PCDHGA1: variants seen among roughly 807,000 people sequenced by gnomAD.
PCDHGA1 encodes protocadherin gamma subfamily A, 1, also known as protocadherin gamma-A1.
A neutral mutation model predicts 58.0 loss-of-function variants in PCDHGA1; 32 were observed. The ratio of observed to expected loss-of-function variants is 0.55; its 90% CI spans 0.42 to 0.74. PCDHGA1 has a LOEUF of 0.74. Ranked by LOEUF, PCDHGA1 falls within the 30% of genes least tolerant of loss-of-function variation. The pLI is 0.00. For missense variants in PCDHGA1, 1,205 were observed against 1,182.3 expected (o/e 1.02, Z -0.28); for synonymous variants, 498 against 501.1 (o/e 0.99, Z 0.08).
chr5:141,446,260 TA>T (rs1207497940), intron 1 of PCDHGA1, among the ~76,000 whole-genome samples: 4 of 152,130 alleles, frequency 2.6e-5, no homozygotes, highest in Non-Finnish European at 4.4e-5. Context: ...GAAATATTAT[TA>T]ACTGAATAAA....
chr5:141,368,882 C>T (rs992495169), intron 1 of PCDHGA1, among the ~76,000 whole-genome samples: 1 of 152,134 alleles, frequency 6.6e-6, no homozygotes, highest in Non-Finnish European at 1.5e-5. Flanking sequence ...AGTCTTGAGT[C>T]AGTTATATTT....
chr5:141,399,744 C>G (rs544697703), intron 1 of PCDHGA1: 1 of 1,613,320 alleles, frequency 6.2e-7, no homozygotes, highest in African/African-American at 1.3e-5. Context: ...CTGCGCTCAG[C>G]GCAAACGTGA....
intron 1 of PCDHGA1, chr5:141,394,190 G>T (rs1370592594): frequency 1.2e-6 from 2 of 1,613,684 alleles, no homozygotes; most frequent in Non-Finnish European, 1.7e-6. Flanking sequence ...CCTACTCAGC[G>T]TATATCCTAG....
In PCDHGA1 at chr5:141,489,087, T is replaced by A. The variant is rs2099682381; in HGVS notation, c.2422-5720T>A. ...CCCCCTGCCCACCCCCGCCACTCGG[T>A]GACTAAGAACTGCTGCAAGCAGGCA... is the stretch of plus-strand genomic sequence containing the variant. On this transcript the variant is annotated intron_variant, in intron 1 of 3. Coordinates refer to ENST00000517417, the MANE Select transcript of PCDHGA1 (RefSeq NM_018912.3). This position sits in a 1 kb window ranked among gnomAD's most constrained non-coding sequence, Gnocchi z 4.5. The A allele has an allele frequency of 4.6e-6, 1 of 216,106 alleles. No individual in the cohort carries two copies. Among genetic ancestry groups the A allele is most frequent in the Non-Finnish European group, 8.4e-6 (1 of 118,734 alleles). 13.4% of individuals were successfully genotyped at this position (216,106 alleles called of 1,614,324 possible). A position where few individuals can be genotyped will look rare whatever the true frequency, so the allele number is the denominator to read the frequency against.
At chr5:141,499,022 AAGG>A (rs2099788758) in intron 2 of PCDHGA1, among the ~76,000 whole-genome samples, 3 of 150,722 alleles carry the variant, frequency 2.0e-5, no homozygotes, top group Non-Finnish European at 3.0e-5. Context: ...GGAAGGAAGG[AAGG>A]AAGAAAAGAA....
intron 1 of PCDHGA1, chr5:141,340,109 G>C: frequency 6.2e-7 from 1 of 1,613,938 alleles, no homozygotes; most frequent in Non-Finnish European, 8.5e-7. Flanking sequence ...TGGGCAGAAC[G>C]CATTCACCAC....
intron 1 of PCDHGA1, chr5:141,364,607 G>C (rs775025025): frequency 1.9e-6 from 3 of 1,614,080 alleles, no homozygotes; most frequent in African/African-American, 2.7e-5. Flanking sequence ...GATAGACCGG[G>C]AGGAGCTCTG....
intron 1 of PCDHGA1, chr5:141,399,780 A>C (rs1444494014): frequency 6.2e-7 from 1 of 1,613,170 alleles, no homozygotes; most frequent in Non-Finnish European, 8.5e-7. Flanking sequence ...TGGGCGACCG[A>C]AACGACAACG....
chr5:141,394,608 G>A lies in PCDHGA1; in HGVS notation c.2421+61503G>A, dbSNP rs749049825. 15 of 1,613,420 alleles carry A rather than the reference G, an allele frequency of 9.3e-6. No homozygotes were observed. The African/African-American group carries it at 1.9e-4, about 20-fold the overall frequency. ...GGTGGTGGCGGTGGACAGAGACTCGGGCCAGAACGCCTGGCTGTCCTACCG... is the reference window on the plus strand; with the variant it reads ...GGTGGTGGCGGTGGACAGAGACTCGAGCCAGAACGCCTGGCTGTCCTACCG... On this transcript the variant is annotated intron_variant, in intron 1 of 3. Transcript: ENST00000517417.
Position 141,438,591 on chromosome 5 carries a change from C to CAT in PCDHGA1, c.2422-56172_2422-56171dup, listed in dbSNP as rs946798767. On this transcript the variant is annotated intron_variant, in intron 1 of 3. Coordinates refer to ENST00000517417, the MANE Select transcript of PCDHGA1 (RefSeq NM_018912.3). ...TCTGATATACATACATACATACATA[C>CAT]ATATATATATATATATATATATATA... Among the ~76,000 whole-genome samples the CAT allele has an allele frequency of 6.3e-3, 476 of 75,268 alleles. 1 individual carries two copies. The highest frequency in any genetic ancestry group is 9.5e-3 in the Non-Finnish European group (352 of 37,106). 49.4% of individuals were successfully genotyped at this position (75,268 alleles called of 152,430 possible). A position where few individuals can be genotyped will look rare whatever the true frequency, so the allele number is the denominator to read the frequency against.
Position 141,393,204 on chromosome 5 carries a change from C to T in PCDHGA1, c.2421+60099C>T, listed in dbSNP as rs373432896. ...AATAATTGATATTAACGATAATAAC[C>T]CAAAATTCCAGGTCGAAGATCTAGA... On this transcript the variant is annotated intron_variant, in intron 1 of 3. Transcript: ENST00000517417. 7 of 1,613,342 alleles carry T rather than the reference C, an allele frequency of 4.3e-6. No homozygotes were observed. The African/African-American group carries it at 9.3e-5, about 22-fold the overall frequency.
chr5:141,466,799 C>T (rs1049340129), intron 1 of PCDHGA1, among the ~76,000 whole-genome samples: 1 of 152,056 alleles, frequency 6.6e-6, no homozygotes, highest in African/African-American at 2.4e-5. Flanking sequence ...CAAACTAGAT[C>T]CTATTCAGAC....
In PCDHGA1 at chr5:141,489,242, TG is replaced by T; in HGVS notation, c.2422-5561del. 6.5e-7 allele frequency: 1 copy of T among 1,534,498 alleles called. No homozygotes were observed. The highest frequency in any genetic ancestry group is 2.3e-5 in the East Asian group (1 of 44,312). On this transcript the variant is annotated intron_variant, in intron 1 of 3. Transcript: ENST00000517417. The surrounding 1 kb of genome is among the most constrained non-coding windows in gnomAD (Gnocchi z 4.5). ...TCTCCACAAAGGGACTTCTGGGTCA[TG>T]GGGCCCAAGACACTCCCACAGCTCG...
chr5:141,393,453 G>T lies in PCDHGA1; in HGVS notation c.2421+60348G>T, dbSNP rs373805221. On this transcript the variant is annotated intron_variant, in intron 1 of 3. Transcript: ENST00000517417. ...GGCTGCTCACCACCTGGTCCTCACG[G>T]CCTCGGATGGCGGCAAGCCGCCTCG... 6.6e-5 allele frequency: 107 copies of T among 1,614,038 alleles called. 2 individuals carry two copies. In the South Asian group the frequency reaches 1.0e-3, roughly 15 times the overall value.
chr5:141,339,520 A>G, intron 1 of PCDHGA1: 5 of 1,614,112 alleles, frequency 3.1e-6, no homozygotes, highest in Non-Finnish European at 3.4e-6. Flanking sequence ...TGGACGTGCG[A>G]AGGGGAGCTG....
At chr5:141,352,744 C>T (rs1159218441) in intron 1 of PCDHGA1, 2 of 1,445,068 alleles carry the variant, frequency 1.4e-6, no homozygotes, top group Non-Finnish European at 1.9e-6. Flanking sequence ...AATCCCAGCA[C>T]TTAACCAGGC....
rs746906389 is a variant in PCDHGA1 at position 141,384,782 on chromosome 5, C to T, written c.2421+51677C>T. The T allele has an allele frequency of 5.0e-6, 8 of 1,613,640 alleles. No individual in the cohort carries two copies. The highest frequency in any genetic ancestry group is 5.9e-6 in the Non-Finnish European group (7 of 1,179,944). On this transcript the variant is annotated intron_variant, in intron 1 of 3. Transcript: ENST00000517417. The stretch of plus-strand genomic sequence containing the variant: ...GGGCTGTACACGGGCGAGGTGCGCA[C>T]GGCTCGGGCCCTGCTGGACAGAGAT...
chr5:141,336,173 A>C (rs1285240944), intron 1 of PCDHGA1, among the ~76,000 whole-genome samples: 2 of 152,190 alleles, frequency 1.3e-5, no homozygotes, highest in Non-Finnish European at 2.9e-5. Context: ...CAATAAATGT[A>C]ATAAAACCAG....
intron 1 of PCDHGA1, chr5:141,345,718 T>C: frequency 6.2e-7 from 1 of 1,614,158 alleles, no homozygotes; most frequent in Non-Finnish European, 8.5e-7. Flanking sequence ...GCGCCCGAGA[T>C]CCTGTACCCC....
Sources: gnomAD v4.1 joint callset for allele counts (sites outside exome capture counted in the v4.1 genomes callset) on GRCh38, gnomAD v4.1.1 for gene constraint, Gnocchi (gnomAD v3.1) non-coding constraint, MANE v1.5 for transcripts, NCBI Gene and HGNC (gene_info 2026-07-23, HGNC 2026-07-21) for gene names.